The following SOS2 variants were observed in gnomAD, a reference collection of about 807,000 sequenced individuals.
SOS2 encodes the protein SOS Ras/Rho guanine nucleotide exchange factor 2.
SOS2 carries 65 observed loss-of-function variants against 148.2 expected under a neutral mutation model. That is an observed-to-expected ratio of 0.44 (90% CI 0.36 to 0.54). The LOEUF (loss-of-function observed/expected upper bound fraction) is 0.54, where lower values mean the gene tolerates loss of function less well. Among genes scored for constraint, SOS2 ranks in the 20% least tolerant of loss-of-function variants. The pLI, the probability that SOS2 is intolerant of heterozygous loss-of-function variation, is 0.00. For synonymous variants in SOS2, 539 were observed against 537.1 expected (o/e 1.00, Z -0.05); for missense variants, 1,341 against 1,590.2 (o/e 0.84, Z 2.67).
At chr14:50,163,949 A>C (rs192478154) in intron 8 of SOS2, among the ~76,000 whole-genome samples, 36 of 152,336 alleles carry the variant, frequency 2.4e-4, no homozygotes, top group Non-Finnish European at 4.0e-4. Flanking sequence ...GTAAAGGAGA[A>C]CAAAATTGAG....
chr14:50,159,957 G>A lies in SOS2; in HGVS notation c.1326C>T (p.Phe442=), dbSNP rs150365706. The A allele has an allele frequency of 1.1e-5, 17 of 1,614,062 alleles. No individual in the cohort carries two copies. Among genetic ancestry groups the A allele is most frequent in the Middle Eastern group, 1.6e-4 (1 of 6,062 alleles). The change falls in exon 10 of 23, where the codon TTC becomes TTT. Residue 442 remains phenylalanine, a synonymous_variant. Coordinates refer to ENST00000216373, the MANE Select transcript of SOS2 (RefSeq NM_006939.4). ...GKDIGQCCNE[F]IMEGPLTRIG... is the part of the protein sequence containing the mutation. ...TTCTTGTCAATGGTCCCTCCATAAT[G>A]AATTCATTACAACACTGTCCAATAT...
In SOS2 at chr14:50,203,447, T is replaced by C. The variant is rs113795871; in HGVS notation, c.213+837A>G. ...TAGCAGGAGAAAATAATACCAATTTTATTAATATTAATTTTATGTGCACAG... is the reference window on the plus strand; with the variant it reads ...TAGCAGGAGAAAATAATACCAATTTCATTAATATTAATTTTATGTGCACAG... On this transcript the variant is annotated intron_variant, in intron 2 of 22. Transcript: ENST00000216373. Among the ~76,000 whole-genome samples, 739 of 152,306 alleles carry C rather than the reference T, an allele frequency of 4.9e-3. 7 individuals carry two copies. The highest frequency in any genetic ancestry group is 0.017 in the African/African-American group (700 of 41,566).
chr14:50,218,407 C>T (rs1007843002), intron 1 of SOS2, among the ~76,000 whole-genome samples: 9 of 151,746 alleles, frequency 5.9e-5, no homozygotes, highest in African/African-American at 2.2e-4. Context: ...CCTGCAATCC[C>T]AGCTACTTGG....
chr14:50,183,901 G>A (rs1485073845), intron 5 of SOS2, among the ~76,000 whole-genome samples: 2 of 152,136 alleles, frequency 1.3e-5, no homozygotes, highest in Non-Finnish European at 2.9e-5. Flanking sequence ...GCTGTTAGGC[G>A]ATTTTGTCAT....
chr14:50,164,595 C>T (rs1046718784), intron 8 of SOS2, among the ~76,000 whole-genome samples: 91 of 151,150 alleles, frequency 6.0e-4, no homozygotes, highest in African/African-American at 1.9e-3. Flanking sequence ...AGCACCACTG[C>T]ACTCCAGCCT....
rs375321575 is a variant in SOS2, at chr14:50,209,381, ACC to A, written c.88-4974_88-4973del. On this transcript the variant is annotated intron_variant, in intron 1 of 22. Coordinates refer to ENST00000216373, the MANE Select transcript of SOS2 (RefSeq NM_006939.4). ...GCACCCATGGAGGACAAAATAATGT[ACC>A]CATGCAGGACAAAAATATTGTACAC... Among the ~76,000 whole-genome samples, 444 of 151,244 alleles carry A rather than the reference ACC, an allele frequency of 2.9e-3. 2 individuals are homozygous for A. The highest frequency in any genetic ancestry group is 9.9e-3 in the African/African-American group (410 of 41,238).
intron 4 of SOS2, among the ~76,000 whole-genome samples, chr14:50,190,035 T>C (rs1461229167): frequency 2.0e-5 from 3 of 151,892 alleles, no homozygotes; most frequent in African/African-American, 7.3e-5. Context: ...GTATTTTTAA[T>C]AGAGACGGGG....
chr14:50,201,348 C>T (rs985508907), intron 2 of SOS2, among the ~76,000 whole-genome samples: 5 of 151,792 alleles, frequency 3.3e-5, no homozygotes, highest in African/African-American at 9.7e-5. Context: ...CCAGGCAACA[C>T]GGTGAAACCC....
rs546536582 is a variant in SOS2 at position 50,130,344 on chromosome 14, C to T, written c.3337+157G>A. On this transcript the variant is annotated intron_variant, in intron 20 of 22. Transcript: ENST00000216373. ...ATGCATCAACAATGCACAAATTATGCTCTACTTCTTGTATTAATCATTATT... is the reference window on the plus strand; with the variant it reads ...ATGCATCAACAATGCACAAATTATGTTCTACTTCTTGTATTAATCATTATT... 2.0e-5 allele frequency among the ~76,000 whole-genome samples: 3 copies of T among 152,274 alleles called. No individual in the cohort carries two copies. The South Asian group carries it at 6.2e-4, about 32-fold the overall frequency.
At chr14:50,160,377 A>ATTTTTT (rs1884958226) in intron 9 of SOS2, among the ~76,000 whole-genome samples, 1 of 111,258 alleles carries the variant, frequency 9.0e-6, no homozygotes, top group African/African-American at 3.5e-5. Context: ...AACAATGCTA[A>ATTTTTT]TCTTTTTTTT....
intron 8 of SOS2, among the ~76,000 whole-genome samples, chr14:50,174,093 A>G (rs572581416): frequency 8.5e-5 from 13 of 152,306 alleles, no homozygotes; most frequent in African/African-American, 2.9e-4. Context: ...TTTGCCACCA[A>G]TTAATCACTA....
rs1885208446 is a variant in SOS2, at chr14:50,167,599, T to G, written c.1069-5990A>C. Among the ~76,000 whole-genome samples, 3 of 151,856 alleles carry G rather than the reference T, an allele frequency of 2.0e-5. 1 individual carries two copies. In the South Asian group the frequency reaches 6.2e-4, roughly 32 times the overall value. On this transcript the variant is annotated intron_variant, in intron 8 of 22. Coordinates refer to ENST00000216373, the MANE Select transcript of SOS2 (RefSeq NM_006939.4). ...GTTAACAACTGGTAGCCAGGCGCAA[T>G]GACTCACACCTGTAATCCCAGCACT...
At chr14:50,198,768 T>C (rs1253673185) in intron 4 of SOS2, among the ~76,000 whole-genome samples, 2 of 152,250 alleles carry the variant, frequency 1.3e-5, no homozygotes, top group South Asian at 2.1e-4. Context: ...ACTAGTATGA[T>C]AGTTTTAATC....
chr14:50,194,502 G>A (rs1461785464), intron 4 of SOS2, among the ~76,000 whole-genome samples: 2 of 144,542 alleles, frequency 1.4e-5, no homozygotes, highest in Non-Finnish European at 3.0e-5. Flanking sequence ...TTGGCTGGGC[G>A]CGGGGGCTTA....
Position 50,182,471 on chromosome 14 carries a change from A to G in SOS2, c.850T>C (p.Leu284=), listed in dbSNP as rs1885775649. 2 of 1,613,836 alleles carry G rather than the reference A, an allele frequency of 1.2e-6. No individual in the cohort carries two copies. Among genetic ancestry groups the G allele is most frequent in the African/African-American group, 1.3e-5 (1 of 74,920 alleles). Residue 284 remains leucine (L), a synonymous_variant, in exon 6 of 23, where the codon TTG becomes CTG. Transcript: ENST00000216373. The part of the protein sequence containing the change: ...HPLAGSCFED[L]AEEQAFDPYE... Reference sequence around the variant, plus strand: ...TAGTTTTGTAAACTTACTTCTGCCAAATCTTCAAAACAGCTGCCAGCTAAG... The same window carrying G: ...TAGTTTTGTAAACTTACTTCTGCCAGATCTTCAAAACAGCTGCCAGCTAAG...
intron 16 of SOS2, among the ~76,000 whole-genome samples, chr14:50,144,239 C>T (rs1187322351): frequency 6.6e-6 from 1 of 151,506 alleles, no homozygotes; most frequent in Non-Finnish European, 1.5e-5. Context: ...AACCTTGATG[C>T]CATTAAAATC....
intron 4 of SOS2, among the ~76,000 whole-genome samples, chr14:50,191,535 C>A (rs1445881034): frequency 6.6e-6 from 1 of 152,134 alleles, no homozygotes. Context: ...GCTTCTGATA[C>A]ACCATTCTGT....
chr14:50,124,419 T>C (rs767960908), intron 21 of SOS2, among the ~76,000 whole-genome samples: 4 of 152,204 alleles, frequency 2.6e-5, no homozygotes, highest in Non-Finnish European at 5.9e-5. Context: ...GGCAGAGGCG[T>C]TGTCTTTCTT....
chr14:50,164,442 G>C (rs954638497), intron 8 of SOS2, among the ~76,000 whole-genome samples: 1 of 150,918 alleles, frequency 6.6e-6, no homozygotes, highest in African/African-American at 2.4e-5. Flanking sequence ...TCTGTCCCCC[G>C]CAAAAAAATG....
Sources: gnomAD v4.1 joint callset for allele counts (sites outside exome capture counted in the v4.1 genomes callset) on GRCh38, gnomAD v4.1.1 for gene constraint, MANE v1.5 for transcripts, NCBI Gene and HGNC (gene_info 2026-07-23, HGNC 2026-07-21) for gene names.